Variants in RGS6 observed in about 807,000 individuals in gnomAD.
The protein encoded by RGS6 is regulator of G protein signaling 6.
A neutral mutation model predicts 78.5 loss-of-function variants in RGS6; 30 were observed. The observed-to-expected ratio is 0.38, with a 90% CI of 0.29 to 0.52. The LOEUF is 0.52. RGS6 is among the 20% of genes least tolerant of loss of function. The pLI, the probability that RGS6 is intolerant of heterozygous loss-of-function variation, is 0.85. For synonymous variants in RGS6, 206 were observed against 206.0 expected (o/e 1.00, Z 0.00); for missense variants, 495 against 609.7 (o/e 0.81, Z 1.98).
At chr14:72,146,824 T>C (rs1407620539) in intron 2 of RGS6, among the ~76,000 whole-genome samples, 7 of 152,206 alleles carry the variant, frequency 4.6e-5, no homozygotes, top group Non-Finnish European at 1.0e-4. Context: ...ATCATTTCCT[T>C]CTTATTTTAC....
intron 17 of RGS6, among the ~76,000 whole-genome samples, chr14:72,553,039 G>C (rs991036707): frequency 2.6e-4 from 40 of 152,224 alleles, no homozygotes; most frequent in African/African-American, 8.2e-4. Flanking sequence ...CGCATGCACT[G>C]GTGTATGCAC....
the RGS6 span, among the ~76,000 whole-genome samples, chr14:72,579,803 G>C: frequency 1.3e-5 from 2 of 152,188 alleles, no homozygotes; most frequent in African/African-American, 4.8e-5. Flanking sequence ...CATATAATAA[G>C]GTGCCCACCT....
At chr14:72,581,928 A>G in the RGS6 span, among the ~76,000 whole-genome samples, 1 of 152,246 alleles carries the variant, frequency 6.6e-6, no homozygotes, top group East Asian at 1.9e-4. Context: ...GGAAAGTTCA[A>G]GGGCATAGCC....
chr14:72,034,150 A>G (rs1164314178), intron 2 of RGS6, among the ~76,000 whole-genome samples: 1 of 152,078 alleles, frequency 6.6e-6, no homozygotes, highest in East Asian at 1.9e-4. Context: ...ATTTTACTCC[A>G]ATTTGGATGC....
At chr14:72,239,647 G>T (rs1436891460) in intron 2 of RGS6, among the ~76,000 whole-genome samples, 2 of 152,172 alleles carry the variant, frequency 1.3e-5, no homozygotes, top group African/African-American at 4.8e-5. Flanking sequence ...TGCTTCTTGA[G>T]GACAGAGTCT....
rs751592646 is a variant in RGS6, at chr14:72,458,395, T to C, written c.342+18T>C. The C allele has an allele frequency of 1.3e-6, 2 of 1,572,334 alleles. No individual in the cohort carries two copies. The highest frequency in any genetic ancestry group is 3.3e-5 in the Admixed American group (2 of 59,830). On this transcript the variant is annotated intron_variant, in intron 5 of 17. Transcript: ENST00000553525. ...GTTTCCAGGTAAGCCTGCTGGCTCC[T>C]CCTCCTGAAGAACCTTTTCTTCACA...
intron 2 of RGS6, among the ~76,000 whole-genome samples, chr14:72,344,329 G>A (rs866586896): frequency 8.5e-5 from 13 of 152,288 alleles, no homozygotes; most frequent in Middle Eastern, 6.8e-3. Context: ...CTGTCCCTGG[G>A]TAATGTCAGG....
At chr14:72,002,139 C>T (rs1307131346) in intron 2 of RGS6, among the ~76,000 whole-genome samples, 19 of 151,934 alleles carry the variant, frequency 1.3e-4, no homozygotes, top group Non-Finnish European at 2.9e-5. Flanking sequence ...TCTACCCACC[C>T]TTGCCTCCAA....
chr14:72,519,433 G>A lies in RGS6; in HGVS notation c.1278+896G>A, dbSNP rs545293272. On this transcript the variant is annotated intron_variant, in intron 15 of 17. Coordinates refer to ENST00000553525, the MANE Select transcript of RGS6 (RefSeq NM_001204424.2). ...CTGGGGCCCCCAGTAGAGAATTTGGGTGGTTTGCCCCTTGCAGACATTATT... is the reference window on the plus strand; with the variant it reads ...CTGGGGCCCCCAGTAGAGAATTTGGATGGTTTGCCCCTTGCAGACATTATT... Among the ~76,000 whole-genome samples the A allele has an allele frequency of 3.3e-5, 5 of 152,288 alleles. No homozygotes were observed. In the East Asian group the frequency reaches 7.7e-4, roughly 23 times the overall value.
At chr14:72,489,055 C>T (rs2096538208) in intron 12 of RGS6, among the ~76,000 whole-genome samples, 2 of 152,026 alleles carry the variant, frequency 1.3e-5, no homozygotes, top group South Asian at 4.2e-4. Flanking sequence ...CTACCTTTTG[C>T]CTTGAGCTGC....
At chr14:72,536,076 A>C in intron 15 of RGS6, 110 bp from the exon 16 acceptor site, 1 of 798,914 alleles carries the variant, frequency 1.3e-6, no homozygotes, top group Non-Finnish European at 2.1e-6. Context: ...ATGCAAACAT[A>C]CCTAGGTTCC....
At chr14:72,507,011 A>AAAAG (rs2096813471) in intron 13 of RGS6, among the ~76,000 whole-genome samples, 2 of 138,040 alleles carry the variant, frequency 1.4e-5, no homozygotes, top group Non-Finnish European at 3.0e-5. Flanking sequence ...AAAAAAAAAA[A>AAAAG]AAAAAAAATT....
intron 3 of RGS6, among the ~76,000 whole-genome samples, chr14:72,377,454 C>T (rs2085044468): frequency 6.6e-6 from 1 of 152,010 alleles, no homozygotes; most frequent in South Asian, 2.1e-4. Flanking sequence ...TAGTTGGGGA[C>T]TTTAACACCC....
At chr14:72,357,878 C>A (rs962106735) in intron 3 of RGS6, among the ~76,000 whole-genome samples, 1 of 152,172 alleles carries the variant, frequency 6.6e-6, no homozygotes, top group African/African-American at 2.4e-5. Flanking sequence ...ATGTCACAGA[C>A]CTTCAAGGCA....
chr14:72,112,932 T>G (rs1415319764), intron 2 of RGS6, among the ~76,000 whole-genome samples: 1 of 152,238 alleles, frequency 6.6e-6, no homozygotes, highest in African/African-American at 2.4e-5. Context: ...AATATAAAGT[T>G]CATTCCCCTG....
At chr14:72,416,597 G>T (rs571365707) in intron 3 of RGS6, among the ~76,000 whole-genome samples, 2 of 152,280 alleles carry the variant, frequency 1.3e-5, no homozygotes, top group African/African-American at 4.8e-5. Context: ...CTTTGGGCTG[G>T]ACTCCACAAC....
intron 3 of RGS6, among the ~76,000 whole-genome samples, chr14:72,449,092 G>A (rs745878584): frequency 1.3e-5 from 2 of 152,136 alleles, no homozygotes; most frequent in African/African-American, 2.4e-5. Flanking sequence ...CCCACCCAGA[G>A]GTGCAGCAGA....
chr14:72,066,808 A>ATT (rs60072172), intron 2 of RGS6, among the ~76,000 whole-genome samples: 3,076 of 140,760 alleles, frequency 0.022, 100 homozygotes, highest in African/African-American at 0.071. Context: ...TTTAGAGGCA[A>ATT]TTTTTTTTTT....
intron 15 of RGS6, among the ~76,000 whole-genome samples, chr14:72,530,748 A>T (rs557636731): frequency 8.7e-4 from 132 of 152,302 alleles, no homozygotes; most frequent in Middle Eastern, 6.8e-3. Context: ...AAGACCAATG[A>T]TACCCCTCAG....
Sources: allele counts gnomAD v4.1 joint callset (sites outside exome capture counted in the v4.1 genomes callset), GRCh38; gene constraint gnomAD v4.1.1; transcripts MANE v1.5; gene names NCBI Gene and HGNC (gene_info 2026-07-23, HGNC 2026-07-21).